Variants in GPC5 observed in about 807,000 individuals in gnomAD.
GPC5 encodes the protein glypican-5.
GPC5 carries 47 observed loss-of-function variants against 53.9 expected under a neutral mutation model. The observed-to-expected ratio is 0.87, with a 90% CI of 0.69 to 1.11. GPC5 has a LOEUF of 1.11. Ranked by LOEUF, GPC5 falls within the 50% of genes most tolerant of loss-of-function variation. The pLI is 0.00. For synonymous variants in GPC5, 286 were observed against 263.3 expected (o/e 1.09, Z -0.84); for missense variants, 748 against 713.1 (o/e 1.05, Z -0.56).
chr13:92,120,988 C>A (rs2138944427), intron 6 of GPC5, among the ~76,000 whole-genome samples: 1 of 152,290 alleles, frequency 6.6e-6, no homozygotes, highest in East Asian at 1.9e-4. Flanking sequence ...TCTGAAAAGA[C>A]CACTAGTTCT....
At chr13:92,715,287 C>A (rs1888291508) in intron 7 of GPC5, among the ~76,000 whole-genome samples, 1 of 152,070 alleles carries the variant, frequency 6.6e-6, no homozygotes, top group Non-Finnish European at 1.5e-5. Flanking sequence ...CCTAGAAGTA[C>A]TATTTATAGA....
At chr13:91,432,203 C>CTGGTGTGTG (rs1555306318) in intron 1 of GPC5, among the ~76,000 whole-genome samples, 36 of 136,450 alleles carry the variant, frequency 2.6e-4, no homozygotes, top group African/African-American at 8.9e-4. Context: ...GCTGCTGCTG[C>CTGGTGTGTG]TGTGTGTGTG....
intron 7 of GPC5, among the ~76,000 whole-genome samples, chr13:92,408,500 G>C (rs913715793): frequency 6.6e-6 from 1 of 151,926 alleles, no homozygotes; most frequent in Non-Finnish European, 1.5e-5. Context: ...TAAGTCATCT[G>C]TAACTAAGTC....
intron 7 of GPC5, among the ~76,000 whole-genome samples, chr13:92,599,965 G>A (rs1883994431): frequency 6.6e-6 from 1 of 152,080 alleles, no homozygotes; most frequent in South Asian, 2.1e-4. Flanking sequence ...CCCCAAACAA[G>A]AAATATTTAA....
At chr13:92,178,572 G>T (rs2042124732) in intron 7 of GPC5, among the ~76,000 whole-genome samples, 1 of 151,740 alleles carries the variant, frequency 6.6e-6, no homozygotes, top group Non-Finnish European at 1.5e-5. Context: ...CTTAAAATGT[G>T]TTAATATTAT....
intron 7 of GPC5, among the ~76,000 whole-genome samples, chr13:92,236,982 A>G (rs2042575272): frequency 1.3e-5 from 2 of 152,026 alleles, no homozygotes; most frequent in South Asian, 4.1e-4. Context: ...CACTTTCTTT[A>G]GTTAATGTCA....
intron 6 of GPC5, among the ~76,000 whole-genome samples, chr13:92,135,543 A>G (rs1485412883): frequency 1.3e-5 from 2 of 152,194 alleles, no homozygotes; most frequent in South Asian, 2.1e-4. Context: ...ACCGGAGGTA[A>G]GGATCAGGAA....
intron 5 of GPC5, among the ~76,000 whole-genome samples, chr13:91,868,038 G>A (rs2039102970): frequency 6.6e-6 from 1 of 152,118 alleles, no homozygotes; most frequent in African/African-American, 2.4e-5. Flanking sequence ...CAGGAAAATG[G>A]TGTGTTTAAA....
chr13:92,848,013 C>T (rs1033545459), intron 7 of GPC5, among the ~76,000 whole-genome samples: 5 of 152,060 alleles, frequency 3.3e-5, no homozygotes, highest in African/African-American at 7.2e-5. Flanking sequence ...CAGTGAGTCC[C>T]GAAGGCGACT....
At chr13:91,408,541 G>T (rs1296394672) in intron 1 of GPC5, among the ~76,000 whole-genome samples, 1 of 152,006 alleles carries the variant, frequency 6.6e-6, no homozygotes, top group Non-Finnish European at 1.5e-5. Context: ...AATTGTGGCT[G>T]GTTATTTGTT....
intron 1 of GPC5, among the ~76,000 whole-genome samples, chr13:91,441,710 T>C (rs1036275951): frequency 6.6e-6 from 1 of 152,212 alleles, no homozygotes; most frequent in East Asian, 1.9e-4. Flanking sequence ...AGATTACTTG[T>C]GTCTCAGTCA....
At chr13:92,134,702 C>T (rs1388292354) in intron 6 of GPC5, among the ~76,000 whole-genome samples, 1 of 152,098 alleles carries the variant, frequency 6.6e-6, no homozygotes, top group Non-Finnish European at 1.5e-5. Flanking sequence ...GTTTCTGTTC[C>T]ATTGGCAATT....
intron 2 of GPC5, among the ~76,000 whole-genome samples, chr13:91,470,711 T>C (rs1296769258): frequency 6.6e-6 from 1 of 152,162 alleles, no homozygotes; most frequent in Non-Finnish European, 1.5e-5. Flanking sequence ...CATGTAAAAG[T>C]GTCTGAAGTA....
chr13:92,299,040 G>A (rs1407415595), intron 7 of GPC5, among the ~76,000 whole-genome samples: 1 of 152,092 alleles, frequency 6.6e-6, no homozygotes, highest in African/African-American at 2.4e-5. Flanking sequence ...TAGATCCATA[G>A]TTAGAGAAAA....
chr13:92,503,622 T>C (rs549411247), intron 7 of GPC5, among the ~76,000 whole-genome samples: 1 of 151,894 alleles, frequency 6.6e-6, no homozygotes, highest in South Asian at 2.1e-4. Context: ...TGTAAACTTC[T>C]GGAAAGACTA....
intron 2 of GPC5, among the ~76,000 whole-genome samples, chr13:91,592,820 G>T (rs1021409864): frequency 6.6e-6 from 1 of 152,198 alleles, no homozygotes; most frequent in Non-Finnish European, 1.5e-5. Context: ...ACCCTGTGGG[G>T]CAGCCAGGCA....
chr13:91,733,201 G>T (rs2140031719), intron 4 of GPC5, among the ~76,000 whole-genome samples: 1 of 152,128 alleles, frequency 6.6e-6, no homozygotes, highest in South Asian at 2.1e-4. Context: ...CAGTGACACA[G>T]TCTCGGCTCA....
intron 7 of GPC5, among the ~76,000 whole-genome samples, chr13:92,191,310 A>C (rs1376045914): frequency 1.3e-5 from 2 of 152,148 alleles, no homozygotes; most frequent in African/African-American, 2.4e-5. Flanking sequence ...AGAAATTACA[A>C]ATTTTAAAAA....
chr13:92,260,621 T>G (rs571749258), intron 7 of GPC5, among the ~76,000 whole-genome samples: 55 of 152,212 alleles, frequency 3.6e-4, no homozygotes, highest in African/African-American at 1.2e-3. Flanking sequence ...TGTCTGCAAC[T>G]CCCCACGGAG....
Sources: allele counts gnomAD v4.1 joint callset (sites outside exome capture counted in the v4.1 genomes callset), GRCh38; gene constraint gnomAD v4.1.1; transcripts MANE v1.5; gene names NCBI Gene and HGNC (gene_info 2026-07-23, HGNC 2026-07-21).